Variants in DNAH17 observed in about 807,000 individuals in gnomAD.
DNAH17 encodes the protein dynein axonemal heavy chain 17.
In DNAH17, 376 loss-of-function variants were observed where a neutral mutation model predicts 485.6. That is an observed-to-expected ratio of 0.77 (90% CI 0.71 to 0.84). DNAH17 has a LOEUF of 0.84. DNAH17 is among the 40% of genes least tolerant of loss of function. The pLI is 0.00. For missense variants in DNAH17, 6,370 were observed against 5,839.3 expected, an observed-to-expected ratio of 1.09 and a Z score of -2.96; for synonymous variants, 3,031 against 2,405.9, an observed-to-expected ratio of 1.26 and a Z score of -7.60.
chr17:78,531,163 C>T (rs1284310074), intron 20 of DNAH17, among the ~76,000 whole-genome samples: 6 of 152,068 alleles, frequency 3.9e-5, no homozygotes, highest in African/African-American at 1.4e-4. Flanking sequence ...CTAACTGTTA[C>T]TGTACTGGGG....
At position 78,455,809 on chromosome 17, in the gene DNAH17, G is replaced by T. The variant is rs1157975190; in HGVS notation, c.10005C>A (p.Asn3335Lys). 6.2e-7 allele frequency: 1 copy of T among 1,606,592 alleles called. No individual in the cohort carries two copies. The highest frequency in any genetic ancestry group is 8.5e-7 in the Non-Finnish European group (1 of 1,176,756). ...NRLVGGLASE[N>K]IRWAESVENF... is the part of the protein sequence containing the mutation. ...TCTCCACAGACTCAGCCCAGCGGAT[G>T]TTTTCCGATGCTAATCCCCCGACCA... is the stretch of plus-strand genomic sequence containing the variant. Residue 3335 changes from asparagine to lysine, a missense_variant, in exon 63 of 81, where the codon AAC (asparagine) becomes AAA (lysine). Asn to Lys is a moderately conservative substitution (Grantham distance 94, BLOSUM62 0). Transcript: ENST00000389840.
rs140797410 is a variant in DNAH17, at chr17:78,450,776, C to T, written c.10805G>A (p.Arg3602His). 294 of 1,613,938 alleles carry T rather than the reference C, an allele frequency of 1.8e-4. No homozygotes were observed. The highest frequency in any genetic ancestry group is 2.2e-4 in the Non-Finnish European group (265 of 1,179,918). Residue 3602 changes from arginine (R) to histidine (H), a missense_variant, in exon 67 of 81, where the codon CGT becomes CAT. Arg to His is a conservative substitution (Grantham distance 29, BLOSUM62 0). Transcript: ENST00000389840. Reference protein sequence around the residue: ...LKELEDSLLARLSAASGNFLG... With the variant: ...LKELEDSLLAHLSAASGNFLG... ...AAAGTTCCCCGACGCAGCCGACAGA[C>T]GGGCCAGGAGCGAATCTTCCAGCTC...
chr17:78,515,861 G>A (rs7350961), intron 25 of DNAH17, among the ~76,000 whole-genome samples: 37,796 of 152,114 alleles, frequency 0.25, 5,159 homozygotes, highest in East Asian at 0.47. Context: ...GGTTGTTACC[G>A]CACAGTAACG....
At position 78,475,826 on chromosome 17, in the gene DNAH17, C is replaced by A; in HGVS notation, c.8162G>T (p.Gly2721Val). 1 of 1,610,026 alleles carries A rather than the reference C, an allele frequency of 6.2e-7. No homozygotes were observed. The highest frequency in any genetic ancestry group is 8.5e-7 in the Non-Finnish European group (1 of 1,178,804). The change falls in exon 53 of 81, where the codon GGT becomes GTT. Residue 2721 changes from glycine (G) to valine (V), a missense_variant. Physicochemically the swap from Gly to Val is moderately radical, Grantham distance 109. Coordinates refer to ENST00000389840, the MANE Select transcript of DNAH17 (RefSeq NM_173628.4). ...ASTKKFFDDL[G>V]DELLFAKPNI... ...TGGCTTGGCAAATAAGAGTTCATCA[C>A]CAAGATCCTAGAAAAAGAAAAAAAA...
rs767723684 is a variant in DNAH17, at chr17:78,567,156, TTA to T, written c.1293_1294del (p.Tyr431Ter). On this transcript the variant is annotated stop_gained and frameshift_variant, in exon 10 of 81. Transcript: ENST00000389840. LOFTEE classifies it high-confidence loss of function. Reference sequence around the variant, plus strand: ...CAGCTTCAGAAACTCAATTGCTGTTTTATAGAGTTCCTAGTGGAGGAGAAAAA... The same window carrying T: ...CAGCTTCAGAAACTCAATTGCTGTTTTAGAGTTCCTAGTGGAGGAGAAAAA... 6 of 1,601,762 alleles carry T rather than the reference TTA, an allele frequency of 3.7e-6. No homozygotes were observed. Among genetic ancestry groups the T allele is most frequent in the Non-Finnish European group, 5.1e-6 (6 of 1,174,060 alleles).
In DNAH17 at chr17:78,566,735, A is replaced by G; in HGVS notation, c.1453-5T>C. 6.3e-7 allele frequency: 1 copy of G among 1,584,928 alleles called. No individual in the cohort carries two copies. The highest frequency in any genetic ancestry group is 8.6e-7 in the Non-Finnish European group (1 of 1,163,460). On this transcript the variant is annotated splice_region_variant and splice_polypyrimidine_tract_variant and intron_variant, in intron 10 of 80. Coordinates refer to ENST00000389840, the MANE Select transcript of DNAH17 (RefSeq NM_173628.4). ...AGCATAATCACGGTCAAAATTCTAA[A>G]AGCAAATGGAAATGTCAACCTTGTA...
intron 62 of DNAH17, 102 bp from the exon 63 acceptor site, chr17:78,455,938 G>A (rs1367116374): frequency 3.8e-5 from 38 of 996,674 alleles, no homozygotes; most frequent in African/African-American, 1.7e-4. Flanking sequence ...AGAGTTTCCC[G>A]TCTGCACCTG....
At position 78,454,716 on chromosome 17, in the gene DNAH17, A is replaced by AGG; in HGVS notation, c.10171-13_10171-12dup. On this transcript the variant is annotated splice_polypyrimidine_tract_variant and intron_variant, in intron 63 of 80. Coordinates refer to ENST00000389840, the MANE Select transcript of DNAH17 (RefSeq NM_173628.4). ...GATCGGGATGGGGACCTGCCCAGGGAGGCACACTTTCTTAGAGGGGGTAAT... is the reference window on the plus strand; with the variant it reads ...GATCGGGATGGGGACCTGCCCAGGGAGGGGCACACTTTCTTAGAGGGGGTAAT... 1 of 1,607,300 alleles carries AGG rather than the reference A, an allele frequency of 6.2e-7. No homozygotes were observed. Among genetic ancestry groups the AGG allele is most frequent in the East Asian group, 2.2e-5 (1 of 44,810 alleles).
chr17:78,444,645 C>A lies in DNAH17; in HGVS notation c.11487G>T (p.Met3829Ile), dbSNP rs749410517. 6.2e-7 allele frequency: 1 copy of A among 1,602,378 alleles called. No homozygotes were observed. ...TGCGATCTGGCCGCAGGCAGCGCAC[C>A]ATGCACAGCTTCTGCAGGGCCGTCT... Reference protein sequence around the residue: ...KNKTALQKLCMVRCLRPDRMT... With the variant: ...KNKTALQKLCIVRCLRPDRMT... Residue 3829 changes from methionine to isoleucine, a missense_variant, in exon 71 of 81, where the codon ATG becomes ATT. Physicochemically the swap from Met to Ile is conservative, Grantham distance 10 (BLOSUM62 1). Coordinates refer to ENST00000389840, the MANE Select transcript of DNAH17 (RefSeq NM_173628.4).
intron 11 of DNAH17, among the ~76,000 whole-genome samples, chr17:78,565,420 A>G (rs1324552411): frequency 6.6e-6 from 1 of 152,258 alleles, no homozygotes. Flanking sequence ...TTTTTGCAAG[A>G]GCATTCAAAA....
At chr17:78,492,502 G>A (rs1296626983) in intron 42 of DNAH17, 131 bp downstream of exon 42, 120 of 1,287,388 alleles carry the variant, frequency 9.3e-5, no homozygotes, top group Non-Finnish European at 1.2e-4. Flanking sequence ...TGCCACCATT[G>A]CAGGCCACGT....
At position 78,480,688 on chromosome 17, in the gene DNAH17, A is replaced by T; in HGVS notation, c.7748T>A (p.Leu2583His). 1 of 1,613,310 alleles carries T rather than the reference A, an allele frequency of 6.2e-7. No homozygotes were observed. The highest frequency in any genetic ancestry group is 8.5e-7 in the Non-Finnish European group (1 of 1,179,544). ...ATGAGTATGGTTTCTGCTTACCTGA[A>T]GCCTGGAGTCGATGGTGAAGGATCC... is the stretch of plus-strand genomic sequence containing the variant. ...TSGSFTIDSR[L>H]QRHFCVFAVS... The change falls in exon 49 of 81, where the codon CTT becomes CAT. Residue 2583 changes from leucine (L) to histidine (H), a missense_variant. Leu to His is a moderately conservative substitution (Grantham distance 99). Coordinates refer to ENST00000389840, the MANE Select transcript of DNAH17 (RefSeq NM_173628.4).
At chr17:78,506,521 C>T (rs138169755) in intron 30 of DNAH17, among the ~76,000 whole-genome samples, 199 bp downstream of exon 30, 72 of 152,272 alleles carry the variant, frequency 4.7e-4, no homozygotes, top group African/African-American at 1.6e-3. Flanking sequence ...AAGTGCAGAG[C>T]AGGATGTGAG....
intron 54 of DNAH17, among the ~76,000 whole-genome samples, chr17:78,469,380 A>G (rs1304052536): frequency 1.3e-5 from 2 of 152,128 alleles, no homozygotes; most frequent in Non-Finnish European, 2.9e-5. Flanking sequence ...TGACCTTGTG[A>G]TCCACCCGCC....
intron 26 of DNAH17, 51 bp from the exon 27 acceptor site, chr17:78,510,557 C>T: frequency 2.5e-6 from 4 of 1,603,926 alleles, no homozygotes; most frequent in Non-Finnish European, 2.6e-6. Context: ...GTGCACTCTG[C>T]AGTGGGCAGA....
chr17:78,531,703 G>T (rs1470081467), intron 20 of DNAH17, among the ~76,000 whole-genome samples: 2 of 152,194 alleles, frequency 1.3e-5, no homozygotes, highest in Non-Finnish European at 2.9e-5. Context: ...TTCTGTTTGT[G>T]TGGAATCTCT....
intron 60 of DNAH17, among the ~76,000 whole-genome samples, chr17:78,459,517 A>G (rs2087987263): frequency 6.6e-6 from 1 of 152,178 alleles, no homozygotes; most frequent in South Asian, 2.1e-4. Flanking sequence ...CGTGTGTGCA[A>G]TGCATGTGCT....
chr17:78,459,201 G>C lies in DNAH17; in HGVS notation c.9661C>G (p.Gln3221Glu), dbSNP rs2087964531. 3 of 1,613,802 alleles carry C rather than the reference G, an allele frequency of 1.9e-6. No homozygotes were observed. The highest frequency in any genetic ancestry group is 4.5e-5 in the East Asian group (2 of 44,880). Reference protein sequence around the residue: ...EACLKAFKPYQGNPTFDPEFI... With the variant: ...EACLKAFKPYEGNPTFDPEFI... ...TCGGGGTCGAACGTCGGGTTGCCTTGGTAGGGCCTAGCGAGGGAACCAGAG... is the reference window on the plus strand; with the variant it reads ...TCGGGGTCGAACGTCGGGTTGCCTTCGTAGGGCCTAGCGAGGGAACCAGAG... Residue 3221 changes from glutamine (Q) to glutamate (E), a missense_variant, in exon 61 of 81, where the codon CAA becomes GAA. Physicochemically the swap from Gln to Glu is conservative, Grantham distance 29. Transcript: ENST00000389840.
intron 53 of DNAH17, 78 bp downstream of exon 53, chr17:78,475,591 T>C: frequency 1.2e-6 from 2 of 1,602,286 alleles, no homozygotes; most frequent in Non-Finnish European, 1.7e-6. Context: ...ACAATGCCAC[T>C]CGGATGTCGA....
Sources: gnomAD v4.1 joint callset for allele counts (sites outside exome capture counted in the v4.1 genomes callset) on GRCh38, gnomAD v4.1.1 for gene constraint, MANE v1.5 for transcripts, NCBI Gene and HGNC (gene_info 2026-07-23, HGNC 2026-07-21) for gene names.